DCC: variants seen among roughly 807,000 people sequenced by gnomAD.
The protein encoded by DCC is DCC netrin 1 receptor, also known as netrin receptor DCC.
A neutral mutation model predicts 172.5 loss-of-function variants in DCC; 58 were observed. That is an observed-to-expected ratio of 0.34 (90% CI 0.27 to 0.42). The LOEUF is 0.42. Ranked by LOEUF, DCC falls within the 10% of genes least tolerant of loss-of-function variation. The probability of loss-of-function intolerance (pLI) is 1.00; values close to 1 mark genes in which losing one functional copy is unlikely to be tolerated. For synonymous variants in DCC, 709 were observed against 644.5 expected, an observed-to-expected ratio of 1.10 and a Z score of -1.52; for missense variants, 1,740 against 1,791.0, an observed-to-expected ratio of 0.97 and a Z score of 0.51.
intron 12 of DCC, among the ~76,000 whole-genome samples, chr18:53,291,478 C>T (rs1247553721): frequency 6.6e-6 from 1 of 152,126 alleles, no homozygotes; most frequent in Non-Finnish European, 1.5e-5. Flanking sequence ...AGTTGTACTA[C>T]TCACCTTACT....
chr18:53,375,500 A>G (rs959979390), intron 15 of DCC, among the ~76,000 whole-genome samples: 2 of 152,064 alleles, frequency 1.3e-5, no homozygotes, highest in Admixed American at 1.3e-4. Flanking sequence ...AGTCAGTTTG[A>G]CTGACTTTTT....
At chr18:52,739,715 T>G (rs749899525) in intron 1 of DCC, among the ~76,000 whole-genome samples, 1 of 152,238 alleles carries the variant, frequency 6.6e-6, no homozygotes, top group Non-Finnish European at 1.5e-5. Context: ...AATCACACCA[T>G]GTCAGAGGCC....
chr18:53,060,701 G>T (rs572797807), intron 5 of DCC, among the ~76,000 whole-genome samples: 16 of 152,180 alleles, frequency 1.1e-4, no homozygotes, highest in East Asian at 7.8e-4. Context: ...GAAGGTTTTA[G>T]GGATTCACTA....
intron 7 of DCC, among the ~76,000 whole-genome samples, chr18:53,129,646 G>A (rs2043621487): frequency 6.6e-6 from 1 of 151,956 alleles, no homozygotes; most frequent in Non-Finnish European, 1.5e-5. Flanking sequence ...CCATGGTTGT[G>A]TGTGTACCAA....
intron 2 of DCC, among the ~76,000 whole-genome samples, chr18:52,823,414 A>AT (rs569325894): frequency 1.3e-5 from 2 of 152,362 alleles, no homozygotes; most frequent in South Asian, 4.1e-4. Context: ...TTAGAAATAC[A>AT]TTTTTAAGAA....
At chr18:53,142,672 A>G (rs1036785636) in intron 7 of DCC, among the ~76,000 whole-genome samples, 1 of 152,176 alleles carries the variant, frequency 6.6e-6, no homozygotes, top group African/African-American at 2.4e-5. Flanking sequence ...GCTCCTATAT[A>G]CCCTTTACCC....
intron 2 of DCC, among the ~76,000 whole-genome samples, chr18:52,804,896 T>TA (rs1271057630): frequency 1.3e-5 from 2 of 152,182 alleles, no homozygotes; most frequent in East Asian, 1.9e-4. Flanking sequence ...AATTTCGTTT[T>TA]AAAAAAATAT....
At chr18:53,258,018 T>C (rs1691853058) in intron 12 of DCC, among the ~76,000 whole-genome samples, 1 of 152,236 alleles carries the variant, frequency 6.6e-6, no homozygotes, top group South Asian at 2.1e-4. Flanking sequence ...TATAGTATTC[T>C]CTGATGGTAG....
At chr18:53,326,299 A>G (rs554983544) in intron 14 of DCC, among the ~76,000 whole-genome samples, 1 of 152,282 alleles carries the variant, frequency 6.6e-6, no homozygotes, top group African/African-American at 2.4e-5. Flanking sequence ...ATTTAGACAT[A>G]ATGAAAACTG....
Position 52,401,556 on chromosome 18 carries a change from C to A in DCC, c.91+60678C>A, listed in dbSNP as rs1986442084. Among the ~76,000 whole-genome samples the A allele has an allele frequency of 2.6e-5, 4 of 152,024 alleles. No homozygotes were observed. The South Asian group carries it at 8.3e-4, about 31-fold the overall frequency. ...ACTTAATTGACTCAGTCTACAGCTA[C>A]ATGTAGAGCAAAGGAACAGTGAAAA... On this transcript the variant is annotated intron_variant, in intron 1 of 28. Coordinates refer to ENST00000442544, the MANE Select transcript of DCC (RefSeq NM_005215.4).
At chr18:52,723,843 G>A (rs2036510338) in intron 1 of DCC, among the ~76,000 whole-genome samples, 1 of 152,160 alleles carries the variant, frequency 6.6e-6, no homozygotes, top group Non-Finnish European at 1.5e-5. Context: ...TAAGGGCAAA[G>A]GCGAGCCTAA....
intron 2 of DCC, among the ~76,000 whole-genome samples, chr18:52,798,397 T>A (rs1204359699): frequency 6.6e-6 from 1 of 152,072 alleles, no homozygotes; most frequent in African/African-American, 2.4e-5. Context: ...AAAGACAGAG[T>A]CTCACTTTGT....
At chr18:52,796,057 G>A (rs946703552) in intron 2 of DCC, among the ~76,000 whole-genome samples, 1 of 68,626 alleles carries the variant, frequency 1.5e-5, no homozygotes, top group African/African-American at 3.9e-5. Flanking sequence ...TATAGGTACA[G>A]TTACTTTTTT....
At position 53,010,337 on chromosome 18, in the gene DCC, GT is replaced by G. The variant is rs1217215013; in HGVS notation, c.986-52960del. 4.6e-5 allele frequency among the ~76,000 whole-genome samples: 7 copies of G among 151,252 alleles called. No homozygotes were observed. The East Asian group carries it at 1.4e-3, about 29-fold the overall frequency. On this transcript the variant is annotated intron_variant, in intron 5 of 28. Coordinates refer to ENST00000442544, the MANE Select transcript of DCC (RefSeq NM_005215.4). ...ATATCCTAATAGAATGTAATGCATT[GT>G]TTTTTTTCTTATCTCTGTCATTAGT...
rs79914921 is a variant in DCC, at chr18:52,935,292, A to G, written c.985+9922A>G. On this transcript the variant is annotated intron_variant, in intron 5 of 28. Transcript: ENST00000442544. ...TCCTTTCATCTTATTTTTGTTCGCT[A>G]TCATCCCTTTATTTAATAATTACTA... is the stretch of plus-strand genomic sequence containing the variant. Among the ~76,000 whole-genome samples the G allele has an allele frequency of 7.9e-3, 1,209 of 152,218 alleles. 13 individuals carry two copies. The highest frequency in any genetic ancestry group is 9.6e-3 in the Admixed American group (146 of 15,266).
intron 7 of DCC, among the ~76,000 whole-genome samples, chr18:53,100,209 A>G (rs1036457501): frequency 1.3e-5 from 2 of 151,970 alleles, no homozygotes; most frequent in East Asian, 3.9e-4. Flanking sequence ...CAGACTCCCA[A>G]ACTGCTGGGA....
At chr18:53,510,495 C>A (rs189802614) in intron 27 of DCC, among the ~76,000 whole-genome samples, 25 of 152,038 alleles carry the variant, frequency 1.6e-4, no homozygotes, top group African/African-American at 6.0e-4. Flanking sequence ...ATAAAAATGC[C>A]GTAAGTCAAA....
At chr18:52,991,386 C>T (rs188708884) in intron 5 of DCC, among the ~76,000 whole-genome samples, 2 of 152,202 alleles carry the variant, frequency 1.3e-5, no homozygotes, top group East Asian at 3.9e-4. Context: ...ATAGATATTA[C>T]CACACACTTA....
chr18:52,939,477 T>C (rs963944904), intron 5 of DCC, among the ~76,000 whole-genome samples: 1 of 152,222 alleles, frequency 6.6e-6, no homozygotes, highest in African/African-American at 2.4e-5. Flanking sequence ...GTCCTTATTT[T>C]ATGTACTGTT....
Sources: gnomAD v4.1 joint callset for allele counts (sites outside exome capture counted in the v4.1 genomes callset) on GRCh38, gnomAD v4.1.1 for gene constraint, MANE v1.5 for transcripts, NCBI Gene and HGNC (gene_info 2026-07-23, HGNC 2026-07-21) for gene names.